The following MAGEC3 variants were observed in gnomAD, a reference collection of about 807,000 sequenced individuals.
MAGEC3 encodes MAGE family member C3.
MAGEC3 carries 34 observed loss-of-function variants against 35.3 expected under a neutral mutation model. That is an observed-to-expected ratio of 0.96 (90% CI 0.73 to 1.28). MAGEC3 has a LOEUF of 1.28. MAGEC3 is among the 50% of genes most tolerant of loss of function. MAGEC3 has a pLI of 0.00. For synonymous variants in MAGEC3, 202 were observed against 185.6 expected, an observed-to-expected ratio of 1.09 and a Z score of -0.72; for missense variants, 561 against 483.6, an observed-to-expected ratio of 1.16 and a Z score of -1.50.
At chrX:141,855,633 A>G (rs1277292982) in intron 1 of MAGEC3, among the ~76,000 whole-genome samples, 3 of 111,885 alleles carry the variant, frequency 2.7e-5, no homozygotes, top group Non-Finnish European at 5.7e-5. Flanking sequence ...CCTGCGACTC[A>G]GAATCTTAAG....
chrX:141,858,481 G>A (rs899741864), intron 1 of MAGEC3, among the ~76,000 whole-genome samples: 2 of 110,790 alleles, frequency 1.8e-5, no homozygotes, highest in Non-Finnish European at 3.8e-5. Context: ...CTAAAACCTC[G>A]TTTCTTACAA....
Position 141,876,271 on chromosome X carries a change from A to G in MAGEC3, c.259-2904A>G, listed in dbSNP as rs189683594. Among the ~76,000 whole-genome samples the G allele has an allele frequency of 7.3e-3, 821 of 111,727 alleles. 8 individuals are homozygous for G. The highest frequency in any genetic ancestry group is 0.026 in the African/African-American group (792 of 30,707). ...TTTCTGGAGTAGAACTGCTCACATT[A>G]TATTTCTTGGACCCCCAGAGTTCCA... On this transcript the variant is annotated intron_variant, in intron 2 of 7. Transcript: ENST00000298296.
chrX:141,851,572 A>G (rs1319307751), intron 1 of MAGEC3, among the ~76,000 whole-genome samples: 2 of 110,703 alleles, frequency 1.8e-5, no homozygotes, highest in Non-Finnish European at 3.8e-5. Context: ...AAGATTGTTC[A>G]ACTGTCACCA....
chrX:141,879,927 A>C (rs1452447920), intron 3 of MAGEC3, among the ~76,000 whole-genome samples: 2 of 111,002 alleles, frequency 1.8e-5, no homozygotes, highest in Non-Finnish European at 3.8e-5. Context: ...CTAGGGAATA[A>C]ATAGGAAGAC....
At chrX:141,877,112 G>T (rs1228844549) in intron 2 of MAGEC3, among the ~76,000 whole-genome samples, 7 of 112,186 alleles carry the variant, frequency 6.2e-5, no homozygotes, top group African/African-American at 2.3e-4. Flanking sequence ...TCGATCTGTA[G>T]ATTCCTTTTT....
chrX:141,881,911 C>T (rs2124117597), intron 4 of MAGEC3, 115 bp downstream of exon 4: 10 of 965,727 alleles, frequency 1.0e-5, no homozygotes, highest in Non-Finnish European at 1.3e-5. Context: ...TGCTCCTCCA[C>T]GTTATGAATT....
chrX:141,880,891 C>G (rs2017958363), intron 3 of MAGEC3: 1 of 934,834 alleles, frequency 1.1e-6, no homozygotes, highest in Non-Finnish European at 1.5e-6. Flanking sequence ...AGGCCACTTG[C>G]AGTGTCCCTC....
At chrX:141,865,308 T>C (rs192927980) in intron 1 of MAGEC3, among the ~76,000 whole-genome samples, 163 bp from the exon 2 acceptor site, 2,343 of 111,348 alleles carry the variant, frequency 0.021, 16 homozygotes, top group African/African-American at 0.03. Flanking sequence ...AAGATTTACC[T>C]TATATTTTCT....
At chrX:141,897,564 C>T (rs1394977467) in intron 7 of MAGEC3, 65 bp from the exon 8 acceptor site, 4 of 1,194,023 alleles carry the variant, frequency 3.4e-6, no homozygotes, top group Non-Finnish European at 4.5e-6. Flanking sequence ...AGAGAAAGTA[C>T]CTGGAGTACC....
chrX:141,897,830 T>A lies in MAGEC3; in HGVS notation c.1930T>A (p.Ter644ArgextTer?). The A allele has an allele frequency of 8.4e-7, 1 of 1,187,670 alleles. No individual in the cohort carries two copies. Among genetic ancestry groups the A allele is most frequent in the African/African-American group, 1.7e-5 (1 of 57,204 alleles). The change falls in exon 8 of 8, where the codon TGA (stop) becomes AGA (arginine). Residue 644 changes from the stop codon to arginine, a stop_lost. Coordinates refer to ENST00000298296, the MANE Select transcript of MAGEC3 (RefSeq NM_138702.1). ...CATGTCCACCAACTTCTGTCCTGAG[T>A]GATGTCTGAAGCAGATTCCCCCTCT... ...SVMSTNFCPE[*>R]
intron 3 of MAGEC3, among the ~76,000 whole-genome samples, chrX:141,879,959 C>T (rs57347185): frequency 0.038 from 4,220 of 111,265 alleles, 203 homozygotes; most frequent in African/African-American, 0.13. Context: ...CAAGGGGAAA[C>T]GCCACCTCAG....
chrX:141,879,538 A>T, intron 3 of MAGEC3, 107 bp downstream of exon 3: 1 of 854,995 alleles, frequency 1.2e-6, no homozygotes, highest in Non-Finnish European at 1.6e-6. Flanking sequence ...GTAGGCAGGA[A>T]GGGGTGGAGG....
At chrX:141,849,473 A>G (rs1369323444) in intron 1 of MAGEC3, among the ~76,000 whole-genome samples, 1 of 111,202 alleles carries the variant, frequency 9.0e-6, no homozygotes, top group East Asian at 2.8e-4. Context: ...TAAACAGCCT[A>G]CAGAATGGGA....
At chrX:141,861,539 T>G (rs2017814941) in intron 1 of MAGEC3, among the ~76,000 whole-genome samples, 1 of 111,609 alleles carries the variant, frequency 9.0e-6, no homozygotes, top group Admixed American at 9.6e-5. Flanking sequence ...AAATATTGTA[T>G]AAGCTATAGT....
At chrX:141,877,461 A>G (rs993142124) in intron 2 of MAGEC3, among the ~76,000 whole-genome samples, 17 of 111,955 alleles carry the variant, frequency 1.5e-4, no homozygotes, top group Non-Finnish European at 3.0e-4. Context: ...ACCTTATACT[A>G]GCAAACTGAT....
intron 1 of MAGEC3, among the ~76,000 whole-genome samples, chrX:141,855,605 G>A (rs1013276284): frequency 1.8e-5 from 2 of 111,398 alleles, no homozygotes; most frequent in African/African-American, 6.5e-5. Context: ...CTAGAAAAAT[G>A]CACAGTTCCC....
chrX:141,855,931 C>G (rs1456825342), intron 1 of MAGEC3, among the ~76,000 whole-genome samples: 1 of 111,466 alleles, frequency 9.0e-6, no homozygotes. Flanking sequence ...AAGTTGGCGA[C>G]TAGAACATCA....
rs771364278 is a variant in MAGEC3, at chrX:141,881,372, A to T, written c.516-31A>T. On this transcript the variant is annotated intron_variant, in intron 3 of 7. Transcript: ENST00000298296. Reference sequence around the variant, plus strand: ...CCATTCAATGAAGAGCCTAGCAGCCAATAAGATGAAGATACAAGTACCTGG... The same window carrying T: ...CCATTCAATGAAGAGCCTAGCAGCCTATAAGATGAAGATACAAGTACCTGG... 45 of 1,168,543 alleles carry T rather than the reference A, an allele frequency of 3.9e-5. No homozygotes were observed. In the Admixed American group the frequency reaches 1.1e-3, roughly 29 times the overall value.
intron 1 of MAGEC3, among the ~76,000 whole-genome samples, chrX:141,850,901 A>G (rs889384272): frequency 6.3e-5 from 7 of 111,527 alleles, no homozygotes; most frequent in African/African-American, 1.6e-4. Flanking sequence ...TCAAGAAGAA[A>G]TAGAAAATCT....
Sources: gnomAD v4.1 joint callset for allele counts (sites outside exome capture counted in the v4.1 genomes callset) on GRCh38, gnomAD v4.1.1 for gene constraint, MANE v1.5 for transcripts, NCBI Gene and HGNC (gene_info 2026-07-23, HGNC 2026-07-21) for gene names.